PLCB4: variants seen among roughly 807,000 people sequenced by gnomAD.
PLCB4 encodes the protein 1-phosphatidylinositol 4,5-bisphosphate phosphodiesterase beta-4.
In PLCB4, 77 loss-of-function variants were observed where a neutral mutation model predicts 178.8. The observed-to-expected ratio is 0.43, with a 90% CI of 0.36 to 0.52. The LOEUF (loss-of-function observed/expected upper bound fraction) is 0.52, where lower values mean the gene tolerates loss of function less well. PLCB4 is among the 20% of genes least tolerant of loss of function. The probability of loss-of-function intolerance (pLI) is 0.00; values close to 1 mark genes in which losing one functional copy is unlikely to be tolerated. For missense variants in PLCB4, 1,024 were observed against 1,453.4 expected, an observed-to-expected ratio of 0.70 and a Z score of 4.80; for synonymous variants, 496 against 490.8, an observed-to-expected ratio of 1.01 and a Z score of -0.14.
At chr20:9,137,942 A>G (rs2092416242) in intron 2 of PLCB4, among the ~76,000 whole-genome samples, 1 of 152,116 alleles carries the variant, frequency 6.6e-6, no homozygotes. Context: ...GTAGTTTGGA[A>G]AATAGAAGCC....
At chr20:9,389,781 G>T in intron 15 of PLCB4, 98 bp from the exon 16 acceptor site, 1 of 656,790 alleles carries the variant, frequency 1.5e-6, no homozygotes, top group South Asian at 1.9e-5. Context: ...TGCTGGAATT[G>T]ACTTTCTGAA....
chr20:9,141,965 A>AG (rs1261745902), intron 2 of PLCB4, among the ~76,000 whole-genome samples: 2 of 152,058 alleles, frequency 1.3e-5, no homozygotes, highest in Non-Finnish European at 2.9e-5. Context: ...AAGGCAGTGA[A>AG]GGTATACAGG....
chr20:9,163,515 C>T (rs1173189795), intron 2 of PLCB4, among the ~76,000 whole-genome samples: 4 of 151,506 alleles, frequency 2.6e-5, no homozygotes, highest in Non-Finnish European at 5.9e-5. Flanking sequence ...TGTTTTGTTT[C>T]GTAGATTATA....
At chr20:9,088,178 C>CTTTT in intron 1 of PLCB4, among the ~76,000 whole-genome samples, 1 of 99,152 alleles carries the variant, frequency 1.0e-5, no homozygotes, top group Non-Finnish European at 2.3e-5. Context: ...CTTTTCTTTT[C>CTTTT]TTTTTTTTTT....
chr20:9,085,179 T>G (rs1263077900), intron 1 of PLCB4, among the ~76,000 whole-genome samples: 4 of 152,214 alleles, frequency 2.6e-5, no homozygotes, highest in Non-Finnish European at 5.9e-5. Context: ...GTGTGATATA[T>G]TTTGTTTAAA....
intron 3 of PLCB4, among the ~76,000 whole-genome samples, chr20:9,236,070 C>A (rs2093989579): frequency 6.6e-6 from 1 of 152,172 alleles, no homozygotes; most frequent in Admixed American, 6.5e-5. Flanking sequence ...TATGCGGGAT[C>A]CCCCTTCAGG....
chr20:9,292,415 T>A (rs2094587976), intron 3 of PLCB4, among the ~76,000 whole-genome samples: 1 of 152,172 alleles, frequency 6.6e-6, no homozygotes, highest in African/African-American at 2.4e-5. Flanking sequence ...CCCAGAGGTC[T>A]CCTCTAAAGA....
intron 1 of PLCB4, among the ~76,000 whole-genome samples, chr20:9,090,178 A>T (rs1005012621): frequency 6.6e-6 from 1 of 151,656 alleles, no homozygotes; most frequent in Non-Finnish European, 1.5e-5. Context: ...ACTGTATAGG[A>T]GAAAAACTGT....
chr20:9,466,301 C>T (rs1260902525), intron 35 of PLCB4, among the ~76,000 whole-genome samples: 1 of 152,208 alleles, frequency 6.6e-6, no homozygotes, highest in Non-Finnish European at 1.5e-5. Flanking sequence ...GGATTAAAGA[C>T]TTAAATGTCA....
chr20:9,119,223 C>T (rs750658219), intron 2 of PLCB4, among the ~76,000 whole-genome samples: 1 of 152,120 alleles, frequency 6.6e-6, no homozygotes, highest in African/African-American at 2.4e-5. Flanking sequence ...CTTAACTTAC[C>T]TGCACTATCC....
At chr20:9,429,951 T>C (rs1316668463) in intron 28 of PLCB4, among the ~76,000 whole-genome samples, 1 of 152,122 alleles carries the variant, frequency 6.6e-6, no homozygotes, top group Non-Finnish European at 1.5e-5. Context: ...TTAGACATCC[T>C]AGAAAGGGGT....
intron 2 of PLCB4, among the ~76,000 whole-genome samples, chr20:9,142,070 G>C (rs2092503819): frequency 1.3e-5 from 2 of 152,096 alleles, no homozygotes; most frequent in Admixed American, 1.3e-4. Context: ...TGCAAGCAGA[G>C]GAAGTCATAT....
At chr20:9,283,084 G>A (rs2094508081) in intron 3 of PLCB4, among the ~76,000 whole-genome samples, 1 of 151,972 alleles carries the variant, frequency 6.6e-6, no homozygotes, top group Non-Finnish European at 1.5e-5. Flanking sequence ...GTGATCAAGG[G>A]AGGGGAAGAC....
intron 7 of PLCB4, among the ~76,000 whole-genome samples, chr20:9,345,197 G>T (rs2033668819): frequency 6.6e-6 from 1 of 151,814 alleles, no homozygotes; most frequent in African/African-American, 2.4e-5. Context: ...CTCAAAAAAA[G>T]AATAAATACA....
chr20:9,188,335 C>T (rs1268473257), intron 2 of PLCB4, among the ~76,000 whole-genome samples: 1 of 152,194 alleles, frequency 6.6e-6, no homozygotes, highest in Non-Finnish European at 1.5e-5. Context: ...AACAATGGCA[C>T]TGTGTGGGAG....
chr20:9,294,922 T>C (rs911560992), intron 3 of PLCB4, among the ~76,000 whole-genome samples: 1 of 152,016 alleles, frequency 6.6e-6, no homozygotes, highest in Non-Finnish European at 1.5e-5. Flanking sequence ...CCAGCTTGAG[T>C]TCCCATCTTG....
chr20:9,216,793 C>T (rs573321790), intron 2 of PLCB4, among the ~76,000 whole-genome samples: 10 of 152,326 alleles, frequency 6.6e-5, no homozygotes, highest in Non-Finnish European at 1.3e-4. Flanking sequence ...GTGTGAGCCA[C>T]TGCACCCGGC....
intron 25 of PLCB4, among the ~76,000 whole-genome samples, chr20:9,417,593 A>C (rs980833450): frequency 6.6e-6 from 1 of 152,202 alleles, no homozygotes; most frequent in South Asian, 2.1e-4. Context: ...TGTGCCATAC[A>C]TTCATTCATC....
intron 4 of PLCB4, among the ~76,000 whole-genome samples, chr20:9,327,969 A>G (rs2030985126): frequency 6.6e-6 from 1 of 152,146 alleles, no homozygotes; most frequent in South Asian, 2.1e-4. Flanking sequence ...AAAACCCTAA[A>G]GCCTATGTAA....
Sources: gnomAD v4.1 joint callset for allele counts (sites outside exome capture counted in the v4.1 genomes callset) on GRCh38, gnomAD v4.1.1 for gene constraint, MANE v1.5 for transcripts, NCBI Gene and HGNC (gene_info 2026-07-23, HGNC 2026-07-21) for gene names.